The following LRBA variants were observed in gnomAD, a reference collection of about 807,000 sequenced individuals.
LRBA encodes lipopolysaccharide-responsive and beige-like anchor protein.
A neutral mutation model predicts 330.0 loss-of-function variants in LRBA; 176 were observed. That is an observed-to-expected ratio of 0.53 (90% CI 0.47 to 0.60). LRBA has a LOEUF of 0.60. Ranked by LOEUF, LRBA falls within the 20% of genes least tolerant of loss-of-function variation. The pLI is 0.00. For synonymous variants in LRBA, 1,230 were observed against 1,193.0 expected, an observed-to-expected ratio of 1.03 and a Z score of -0.64; for missense variants, 3,259 against 3,444.8, an observed-to-expected ratio of 0.95 and a Z score of 1.35.
chr4:151,003,777 G>T (rs921251116), intron 2 of LRBA, among the ~76,000 whole-genome samples: 3 of 152,038 alleles, frequency 2.0e-5, no homozygotes, highest in African/African-American at 7.3e-5. Context: ...GGGCAACAGA[G>T]CAAGACCCTG....
rs945299010 is a variant in LRBA, at chr4:150,989,941, T to C, written c.216+24486A>G. Among the ~76,000 whole-genome samples, 5 of 151,816 alleles carry C rather than the reference T, an allele frequency of 3.3e-5. No individual in the cohort carries two copies. In the East Asian group the frequency reaches 7.8e-4, roughly 24 times the overall value. ...GAGTTCGAGACCAGCCTGGGCAACATAGCAAGACCCCCATCTCTATGAAAA... is the reference window on the plus strand; with the variant it reads ...GAGTTCGAGACCAGCCTGGGCAACACAGCAAGACCCCCATCTCTATGAAAA... On this transcript the variant is annotated intron_variant, in intron 2 of 56. Coordinates refer to ENST00000651943, the MANE Select transcript of LRBA (RefSeq NM_001364905.1).
In LRBA at chr4:150,849,594, T is replaced by C. The variant is rs1750354263; in HGVS notation, c.4005-19A>G. 1 of 1,597,756 alleles carries C rather than the reference T, an allele frequency of 6.3e-7. No individual in the cohort carries two copies. Among genetic ancestry groups the C allele is most frequent in the African/African-American group, 1.3e-5 (1 of 74,630 alleles). ...TGAATGGCTGTCCAAAGATAAATGATATTTACTGATAAAGCTAAAGAAAGG... is the reference window on the plus strand; with the variant it reads ...TGAATGGCTGTCCAAAGATAAATGACATTTACTGATAAAGCTAAAGAAAGG... On this transcript the variant is annotated intron_variant, in intron 24 of 56. Coordinates refer to ENST00000651943, the MANE Select transcript of LRBA (RefSeq NM_001364905.1).
intron 16 of LRBA, among the ~76,000 whole-genome samples, chr4:150,896,146 C>T (rs1730055547): frequency 6.6e-6 from 1 of 152,124 alleles, no homozygotes; most frequent in East Asian, 1.9e-4. Context: ...CTTTGGTATA[C>T]TTTATTATTA....
chr4:150,832,450 G>A (rs1297618925), intron 28 of LRBA, among the ~76,000 whole-genome samples: 1 of 152,068 alleles, frequency 6.6e-6, no homozygotes, highest in African/African-American at 2.4e-5. Context: ...ACAAAAATTA[G>A]CCAGGTGTGG....
At chr4:150,968,458 C>A (rs892710709) in intron 2 of LRBA, among the ~76,000 whole-genome samples, 2 of 152,206 alleles carry the variant, frequency 1.3e-5, no homozygotes, top group Admixed American at 6.5e-5. Context: ...GTAAGCAAAA[C>A]AGCTTCATGG....
intron 36 of LRBA, among the ~76,000 whole-genome samples, chr4:150,694,462 C>CAAAAAAAAAGAAAAAAA (rs1784433218): frequency 1.4e-5 from 1 of 71,010 alleles, no homozygotes; most frequent in Admixed American, 2.2e-4. Context: ...TGATCTTTAA[C>CAAAAAAAAAGAAAAAAA]AAAAAAAAAA....
At chr4:150,903,527 C>G (rs762779513) in intron 13 of LRBA, among the ~76,000 whole-genome samples, 7 of 151,956 alleles carry the variant, frequency 4.6e-5, no homozygotes, top group Non-Finnish European at 1.0e-4. Context: ...TCACTTGAGC[C>G]CAGGAGTTCG....
In LRBA at chr4:150,896,428, T is replaced by C; in HGVS notation, c.2033A>G (p.Gln678Arg). ...KDSGVKEDEL[Q>R]AILNYLLTMH... ...AGTCAGTAGGTAATTAAGAATGGCCTGTAATTCATCTTCCTTTACTCCAGA... is the reference window on the plus strand; with the variant it reads ...AGTCAGTAGGTAATTAAGAATGGCCCGTAATTCATCTTCCTTTACTCCAGA... The change falls in exon 16 of 57, where the codon CAG (glutamine) becomes CGG (arginine). Residue 678 changes from glutamine to arginine, a missense_variant. Coordinates refer to ENST00000651943, the MANE Select transcript of LRBA (RefSeq NM_001364905.1). The C allele has an allele frequency of 1.3e-6, 2 of 1,547,174 alleles. No homozygotes were observed. Among genetic ancestry groups the C allele is most frequent in the Middle Eastern group, 1.7e-4 (1 of 5,882 alleles).
intron 42 of LRBA, among the ~76,000 whole-genome samples, chr4:150,482,584 G>A (rs1757411111): frequency 6.6e-6 from 1 of 152,072 alleles, no homozygotes; most frequent in Non-Finnish European, 1.5e-5. Flanking sequence ...ATGGGAAAGT[G>A]TATGGTTAAT....
At chr4:150,877,098 AC>A (rs201651846) in intron 17 of LRBA, among the ~76,000 whole-genome samples, 1,761 of 148,928 alleles carry the variant, frequency 0.012, 14 homozygotes, top group Non-Finnish European at 0.015. Context: ...CTAAAAACAC[AC>A]AAAAAAAAAT....
At chr4:150,657,631 T>A (rs1318798704) in intron 37 of LRBA, among the ~76,000 whole-genome samples, 2 of 152,002 alleles carry the variant, frequency 1.3e-5, no homozygotes, top group Non-Finnish European at 2.9e-5. Context: ...TCCCCAAAAC[T>A]AAGATTATTA....
At chr4:150,754,220 G>C (rs555019042) in intron 35 of LRBA, among the ~76,000 whole-genome samples, 1 of 152,002 alleles carries the variant, frequency 6.6e-6, no homozygotes, top group South Asian at 2.1e-4. Context: ...AAAATGACCT[G>C]ACCATGTCAG....
At chr4:150,711,674 A>G (rs1052313047) in intron 36 of LRBA, among the ~76,000 whole-genome samples, 10 of 152,206 alleles carry the variant, frequency 6.6e-5, no homozygotes, top group African/African-American at 9.6e-5. Flanking sequence ...GAAACCATCA[A>G]TAACTATAAA....
At chr4:150,988,464 TA>T (rs1443959693) in intron 2 of LRBA, among the ~76,000 whole-genome samples, 1 of 152,188 alleles carries the variant, frequency 6.6e-6, no homozygotes, top group Non-Finnish European at 1.5e-5. Context: ...TGTCATTAGT[TA>T]AAATGACATA....
chr4:150,841,840 T>C (rs552405368), intron 28 of LRBA, among the ~76,000 whole-genome samples: 2 of 151,894 alleles, frequency 1.3e-5, no homozygotes, highest in Non-Finnish European at 2.9e-5. Context: ...GTATTTTTAG[T>C]AGAGATGGGG....
chr4:150,809,400 C>T (rs1483139524), intron 31 of LRBA, among the ~76,000 whole-genome samples: 1 of 152,106 alleles, frequency 6.6e-6, no homozygotes, highest in Non-Finnish European at 1.5e-5. Flanking sequence ...GAGTTTGAAA[C>T]ATCTAGTTAT....
chr4:150,417,972 T>A lies in LRBA; in HGVS notation c.7042-2382A>T, dbSNP rs546802926. 5.8e-4 allele frequency among the ~76,000 whole-genome samples: 88 copies of A among 152,044 alleles called. 2 individuals carry two copies. The East Asian group carries it at 0.016, about 27-fold the overall frequency. ...GGTTACTCAACAAATTGACAAAAAA[T>A]TTATTTGCTCAAAACAAATATTCTC... On this transcript the variant is annotated intron_variant, in intron 46 of 56. Transcript: ENST00000651943.
chr4:150,960,952 T>C (rs1353560649), intron 2 of LRBA, among the ~76,000 whole-genome samples: 1 of 149,316 alleles, frequency 6.7e-6, no homozygotes, highest in African/African-American at 2.6e-5. Flanking sequence ...CTAACCTCCA[T>C]ATGTAAGTCA....
At chr4:150,785,079 C>T (rs1307185132) in intron 34 of LRBA, among the ~76,000 whole-genome samples, 1 of 152,194 alleles carries the variant, frequency 6.6e-6, no homozygotes, top group Non-Finnish European at 1.5e-5. Flanking sequence ...TCACTCAAAT[C>T]AGTCTCCCCA....
Sources: gnomAD v4.1 joint callset for allele counts (sites outside exome capture counted in the v4.1 genomes callset) on GRCh38, gnomAD v4.1.1 for gene constraint, MANE v1.5 for transcripts, NCBI Gene and HGNC (gene_info 2026-07-23, HGNC 2026-07-21) for gene names.